The following VCAN variants were observed in gnomAD, a reference collection of about 807,000 sequenced individuals.
VCAN encodes the protein versican.
Under a neutral mutation model 245.5 loss-of-function variants are expected in VCAN, and 44 were observed. The observed-to-expected ratio is 0.18, with a 90% CI of 0.14 to 0.23. VCAN has a LOEUF of 0.23. Ranked by LOEUF, VCAN falls within the 10% of genes least tolerant of loss-of-function variation. The pLI is 1.00. For synonymous variants in VCAN, 1,413 were observed against 1,437.0 expected, an observed-to-expected ratio of 0.98 and a Z score of 0.38; for missense variants, 3,793 against 4,057.9, an observed-to-expected ratio of 0.93 and a Z score of 1.77.
rs1561261819 is a variant in VCAN at position 83,545,557 on chromosome 5, A to T, written c.9286A>T (p.Asn3096Tyr). 1.2e-6 allele frequency: 2 copies of T among 1,614,158 alleles called. No individual in the cohort carries two copies. The highest frequency in any genetic ancestry group is 1.3e-5 in the African/African-American group (1 of 75,064). ...GGTAGGACCTGATCGCTGCAAAATG[A>T]ACCCGTGCCTTAACGGAGGCACCTG... Reference protein sequence around the residue: ...YLPGPDRCKMNPCLNGGTCYP... With the variant: ...YLPGPDRCKMYPCLNGGTCYP... The change falls in exon 9 of 15, where the codon AAC becomes TAC. Residue 3096 changes from asparagine to tyrosine, a missense_variant. This residue lies in a region of VCAN where 3,182 missense variants were observed against 3,250.3 expected (regional missense o/e 0.98). Coordinates refer to ENST00000265077, the MANE Select transcript of VCAN (RefSeq NM_004385.5).
intron 5 of VCAN, among the ~76,000 whole-genome samples, chr5:83,499,034 G>T (rs535921213): frequency 6.6e-6 from 1 of 151,864 alleles, no homozygotes; most frequent in Non-Finnish European, 1.5e-5. Context: ...CAGACCCTTT[G>T]CTTGCTCCTG....
At position 83,580,595 on chromosome 5, in the gene VCAN, G is replaced by A; in HGVS notation, c.*161G>A. 6.8e-6 allele frequency: 7 copies of A among 1,032,382 alleles called. No homozygotes were observed. Among genetic ancestry groups the A allele is most frequent in the Non-Finnish European group, 1.0e-5 (7 of 691,706 alleles). The allele number at this position is 1,032,382 out of a possible 1,614,324, so 64.0% of individuals were successfully genotyped here. A position where few individuals can be genotyped will look rare whatever the true frequency, so the allele number is the denominator to read the frequency against. On this transcript the variant is annotated 3_prime_UTR_variant, in exon 15 of 15. Transcript: ENST00000265077. ...TGCTCCCAAAACATTTTAAATGAAAGTATTGGCATTCAAAAAGACAGCAGA... is the reference window on the plus strand; with the variant it reads ...TGCTCCCAAAACATTTTAAATGAAAATATTGGCATTCAAAAAGACAGCAGA...
chr5:83,580,947 C>T lies in VCAN; in HGVS notation c.*513C>T, dbSNP rs759928691. 4 of 193,074 alleles carry T rather than the reference C, an allele frequency of 2.1e-5. No homozygotes were observed. Among genetic ancestry groups the T allele is most frequent in the Non-Finnish European group, 4.3e-5 (4 of 92,652 alleles). 12.0% of individuals were successfully genotyped at this position (193,074 alleles called of 1,614,324 possible). A position where few individuals can be genotyped will look rare whatever the true frequency, so the allele number is the denominator to read the frequency against. On this transcript the variant is annotated 3_prime_UTR_variant, in exon 15 of 15. Coordinates refer to ENST00000265077, the MANE Select transcript of VCAN (RefSeq NM_004385.5). Reference sequence around the variant, plus strand: ...ACTTGCTCTTTGACTGTCAGCAAGACTGAAGATGGCTTTTCCTGGACAGCT... The same window carrying T: ...ACTTGCTCTTTGACTGTCAGCAAGATTGAAGATGGCTTTTCCTGGACAGCT...
chr5:83,547,946 G>T, intron 9 of VCAN, 25 bp from the exon 10 acceptor site: 2 of 1,514,196 alleles, frequency 1.3e-6, no homozygotes, highest in Non-Finnish European at 1.8e-6. Flanking sequence ...AAAGTATTTT[G>T]TGAGCTTTTA....
At chr5:83,513,102 G>T (rs1745717637) in intron 6 of VCAN, among the ~76,000 whole-genome samples, 1 of 151,866 alleles carries the variant, frequency 6.6e-6, no homozygotes, top group Non-Finnish European at 1.5e-5. Flanking sequence ...TTTTCCAGAT[G>T]TCCTCAAGTA....
chr5:83,563,686 G>T (rs1399707376), intron 12 of VCAN, among the ~76,000 whole-genome samples: 2 of 152,160 alleles, frequency 1.3e-5, no homozygotes. Flanking sequence ...CGTTTGGATT[G>T]AATTTTGTAG....
intron 6 of VCAN, 145 bp from the exon 7 acceptor site, chr5:83,519,204 T>A (rs1051922484): frequency 5.5e-6 from 4 of 723,818 alleles, no homozygotes; most frequent in African/African-American, 1.8e-5. Context: ...TCAAGTATAG[T>A]TTTAAGACTC....
At chr5:83,560,107 A>G (rs1440191872) in intron 12 of VCAN, among the ~76,000 whole-genome samples, 1 of 152,146 alleles carries the variant, frequency 6.6e-6, no homozygotes, top group African/African-American at 2.4e-5. Context: ...TTTACTAGAA[A>G]TGATGACAAT....
At position 83,541,864 on chromosome 5, in the gene VCAN, C is replaced by T. The variant is rs765426409; in HGVS notation, c.8861C>T (p.Pro2954Leu). Residue 2954 changes from proline (P) to leucine (L), a missense_variant, in exon 8 of 15, where the codon CCT becomes CTT. Coordinates refer to ENST00000265077, the MANE Select transcript of VCAN (RefSeq NM_004385.5). ...AIKMFPTIKT[P>L]EAGTVITTAD... The stretch of plus-strand genomic sequence containing the variant: ...AAGATGTTTCCCACCATTAAAACAC[C>T]TGAGGCTGGAACTGTTATTACAACT... The T allele has an allele frequency of 6.2e-7, 1 of 1,614,066 alleles. No homozygotes were observed. Among genetic ancestry groups the T allele is most frequent in the Non-Finnish European group, 8.5e-7 (1 of 1,180,004 alleles).
chr5:83,548,124 A>G, intron 10 of VCAN, 40 bp downstream of exon 10: 1 of 1,529,946 alleles, frequency 6.5e-7, no homozygotes, highest in Non-Finnish European at 9.0e-7. Context: ...AACATTATTG[A>G]TTTTTTTTTA....
At chr5:83,472,993 C>G (rs1201044458) in intron 1 of VCAN, among the ~76,000 whole-genome samples, 1 of 152,230 alleles carries the variant, frequency 6.6e-6, no homozygotes, top group Non-Finnish European at 1.5e-5. Flanking sequence ...GGTCAGTCCT[C>G]TCGCCCAGAC....
At chr5:83,562,942 C>CT (rs1747925928) in intron 12 of VCAN, among the ~76,000 whole-genome samples, 1 of 152,164 alleles carries the variant, frequency 6.6e-6, no homozygotes, top group Non-Finnish European at 1.5e-5. Flanking sequence ...AAGATTAGTG[C>CT]TGTTCTCAAG....
At chr5:83,500,617 G>T (rs956438856) in intron 5 of VCAN, among the ~76,000 whole-genome samples, 16 of 152,072 alleles carry the variant, frequency 1.1e-4, no homozygotes, top group South Asian at 6.2e-4. Flanking sequence ...GAAAACTGAG[G>T]CACAGACAGG....
intron 1 of VCAN, among the ~76,000 whole-genome samples, chr5:83,475,002 C>T (rs1225046132): frequency 6.6e-6 from 1 of 152,066 alleles, no homozygotes; most frequent in African/African-American, 2.4e-5. Flanking sequence ...CATTTGTTGA[C>T]TTTTTAAATA....
intron 12 of VCAN, among the ~76,000 whole-genome samples, chr5:83,563,975 TAA>T (rs1292410098): frequency 1.3e-5 from 2 of 152,166 alleles, no homozygotes; most frequent in Admixed American, 6.6e-5. Context: ...CGGATAATTT[TAA>T]AAGACAGAGT....
At chr5:83,562,916 G>A (rs1313552114) in intron 12 of VCAN, among the ~76,000 whole-genome samples, 1 of 152,148 alleles carries the variant, frequency 6.6e-6, no homozygotes, top group Non-Finnish European at 1.5e-5. Flanking sequence ...AGGGCAGTGA[G>A]CTCACACTAT....
intron 12 of VCAN, among the ~76,000 whole-genome samples, chr5:83,563,498 C>G (rs768693379): frequency 6.6e-6 from 1 of 152,130 alleles, no homozygotes; most frequent in African/African-American, 2.4e-5. Context: ...ACCATTTGAC[C>G]TGTGTTCTGA....
intron 5 of VCAN, among the ~76,000 whole-genome samples, chr5:83,495,686 T>C (rs1290482287): frequency 6.6e-6 from 1 of 152,228 alleles, no homozygotes; most frequent in African/African-American, 2.4e-5. Context: ...ACAAGGGTGA[T>C]AGTTATAAAC....
intron 2 of VCAN, among the ~76,000 whole-genome samples, chr5:83,486,037 G>A (rs1307739193): frequency 6.6e-6 from 1 of 152,104 alleles, no homozygotes; most frequent in Non-Finnish European, 1.5e-5. Context: ...GGAGGGCTGA[G>A]GCAGGAGAAT....
Sources: gnomAD v4.1 joint callset for allele counts (sites outside exome capture counted in the v4.1 genomes callset) on GRCh38, gnomAD v4.1.1 for gene constraint, gnomAD v4.1.1 regional missense constraint, MANE v1.5 for transcripts, NCBI Gene and HGNC (gene_info 2026-07-23, HGNC 2026-07-21) for gene names.